PAFAH1B1: variants seen among roughly 807,000 people sequenced by gnomAD.
PAFAH1B1 encodes platelet activating factor acetylhydrolase 1b regulatory subunit 1, also known as platelet-activating factor acetylhydrolase IB subunit beta.
A neutral mutation model predicts 57.5 loss-of-function variants in PAFAH1B1; 2 were observed. The observed-to-expected ratio is 0.03, with a 90% CI of 0.01 to 0.11. The LOEUF is 0.11. PAFAH1B1 is among the 10% of genes least tolerant of loss of function. The pLI is 1.00. For synonymous variants in PAFAH1B1, 152 were observed against 169.6 expected, an observed-to-expected ratio of 0.90 and a Z score of 0.81; for missense variants, 257 against 512.0, an observed-to-expected ratio of 0.50 and a Z score of 4.81.
At chr17:2,657,279 T>C (rs1389058510) in intron 2 of PAFAH1B1, among the ~76,000 whole-genome samples, 4 of 152,224 alleles carry the variant, frequency 2.6e-5, no homozygotes, top group African/African-American at 4.8e-5. Flanking sequence ...AGTCTCACTG[T>C]GTCACCCAGG....
chr17:2,621,607 C>CTTTTTTTTTT (rs534219431), intron 1 of PAFAH1B1, among the ~76,000 whole-genome samples: 1 of 84,762 alleles, frequency 1.2e-5, no homozygotes, highest in African/African-American at 6.8e-5. Flanking sequence ...GATAATCTGT[C>CTTTTTTTTTT]TTTTTTTTTT....
intron 1 of PAFAH1B1, among the ~76,000 whole-genome samples, chr17:2,631,306 T>C (rs1488870568): frequency 6.6e-6 from 1 of 151,854 alleles, no homozygotes; most frequent in Non-Finnish European, 1.5e-5. Flanking sequence ...CTCCCAGCGG[T>C]GAAAGAAAAG....
chr17:2,611,227 T>C (rs1467999095), intron 1 of PAFAH1B1, among the ~76,000 whole-genome samples: 1 of 152,088 alleles, frequency 6.6e-6, no homozygotes, highest in Admixed American at 6.6e-5. Flanking sequence ...CTCAGCACTT[T>C]GGGAGACTGA....
chr17:2,658,138 C>T (rs907357441), intron 2 of PAFAH1B1, among the ~76,000 whole-genome samples: 1 of 152,196 alleles, frequency 6.6e-6, no homozygotes, highest in Non-Finnish European at 1.5e-5. Context: ...TGGCCTGTAG[C>T]AGGCCATGCA....
At chr17:2,654,968 T>A (rs867596615) in intron 2 of PAFAH1B1, among the ~76,000 whole-genome samples, 24 of 149,756 alleles carry the variant, frequency 1.6e-4, no homozygotes, top group Middle Eastern at 3.4e-3. Flanking sequence ...TTTTTTTTTT[T>A]AAAAGAGACA....
chr17:2,667,439 A>G, intron 5 of PAFAH1B1: 1 of 437,510 alleles, frequency 2.3e-6, no homozygotes, highest in Non-Finnish European at 4.2e-6. Context: ...ATTTGGTTCT[A>G]AATCTTAAAA....
chr17:2,607,555 G>A (rs1359401723), intron 1 of PAFAH1B1, among the ~76,000 whole-genome samples: 1 of 151,734 alleles, frequency 6.6e-6, no homozygotes, highest in Non-Finnish European at 1.5e-5. Context: ...CACCATCTCG[G>A]CTCACTGCAG....
intron 2 of PAFAH1B1, among the ~76,000 whole-genome samples, chr17:2,647,588 A>C (rs1299443550): frequency 6.6e-6 from 1 of 152,202 alleles, no homozygotes; most frequent in East Asian, 1.9e-4. Flanking sequence ...AACTCAGATT[A>C]AACATACTAA....
At chr17:2,615,535 G>A (rs1366699882) in intron 1 of PAFAH1B1, among the ~76,000 whole-genome samples, 3 of 151,946 alleles carry the variant, frequency 2.0e-5, no homozygotes, top group Admixed American at 1.3e-4. Flanking sequence ...CTGCCGCCCG[G>A]GTTCAAGCGA....
At chr17:2,598,292 A>G (rs1307398864) in intron 1 of PAFAH1B1, among the ~76,000 whole-genome samples, 1 of 152,116 alleles carries the variant, frequency 6.6e-6, no homozygotes, top group African/African-American at 2.4e-5. Flanking sequence ...AGATGTCTTA[A>G]AAAACCCAAA....
chr17:2,643,272 C>A (rs777514369), intron 2 of PAFAH1B1, among the ~76,000 whole-genome samples: 1 of 151,850 alleles, frequency 6.6e-6, no homozygotes, highest in African/African-American at 2.4e-5. Flanking sequence ...TAATTTTTTC[C>A]TTTGCCTTTT....
chr17:2,643,266 T>G (rs1055859701), intron 2 of PAFAH1B1, among the ~76,000 whole-genome samples: 2 of 151,924 alleles, frequency 1.3e-5, no homozygotes, highest in African/African-American at 4.8e-5. Flanking sequence ...CTCAGCTAAT[T>G]TTTTCCTTTG....
At chr17:2,596,559 G>T (rs1163768219) in intron 1 of PAFAH1B1, among the ~76,000 whole-genome samples, 1 of 152,142 alleles carries the variant, frequency 6.6e-6, no homozygotes, top group East Asian at 1.9e-4. Flanking sequence ...ATCTTCAAAA[G>T]AATTTCACAT....
intron 1 of PAFAH1B1, among the ~76,000 whole-genome samples, chr17:2,606,365 C>T (rs1382860226): frequency 6.6e-6 from 1 of 151,950 alleles, no homozygotes; most frequent in African/African-American, 2.4e-5. Flanking sequence ...TTTGAGTTTT[C>T]TTTAATTTTT....
chr17:2,656,565 T>C (rs2068938909), intron 2 of PAFAH1B1, among the ~76,000 whole-genome samples: 1 of 152,058 alleles, frequency 6.6e-6, no homozygotes, highest in Non-Finnish European at 1.5e-5. Flanking sequence ...AAAATATAAA[T>C]ACATTATTAG....
Position 2,593,912 on chromosome 17 carries a change from C to G in PAFAH1B1, c.-285C>G, listed in dbSNP as rs1341782321. Reference sequence around the variant, plus strand: ...TCCTCCCCCCTCCTTCCCTCCCTCCCTCCTTCCTCCCTCCCCTCTCCCTCC... The same window carrying G: ...TCCTCCCCCCTCCTTCCCTCCCTCCGTCCTTCCTCCCTCCCCTCTCCCTCC... On this transcript the variant is annotated 5_prime_UTR_variant, in exon 1 of 11. Coordinates refer to ENST00000397195, the MANE Select transcript of PAFAH1B1 (RefSeq NM_000430.4). 1 of 384,662 alleles carries G rather than the reference C, an allele frequency of 2.6e-6. No homozygotes were observed. Among genetic ancestry groups the G allele is most frequent in the East Asian group, 3.7e-5 (1 of 27,118 alleles). 23.8% of individuals were successfully genotyped at this position (384,662 alleles called of 1,614,324 possible).
intron 2 of PAFAH1B1, among the ~76,000 whole-genome samples, chr17:2,646,592 C>A (rs2068772464): frequency 6.6e-6 from 1 of 152,104 alleles, no homozygotes; most frequent in Non-Finnish European, 1.5e-5. Flanking sequence ...GTGGAGGTTG[C>A]AGTGAGCCAA....
chr17:2,666,299 T>G (rs988893014), intron 4 of PAFAH1B1, among the ~76,000 whole-genome samples: 6 of 152,184 alleles, frequency 3.9e-5, no homozygotes, highest in South Asian at 2.1e-4. Flanking sequence ...CTGGGTTCAA[T>G]CTGCATAGTC....
chr17:2,599,347 C>T (rs557513814), intron 1 of PAFAH1B1, among the ~76,000 whole-genome samples: 5 of 152,292 alleles, frequency 3.3e-5, no homozygotes, highest in Admixed American at 1.3e-4. Flanking sequence ...TTCCTTCTTT[C>T]TATAACGATT....
Sources: gnomAD v4.1 joint callset for allele counts (sites outside exome capture counted in the v4.1 genomes callset) on GRCh38, gnomAD v4.1.1 for gene constraint, MANE v1.5 for transcripts, NCBI Gene and HGNC (gene_info 2026-07-23, HGNC 2026-07-21) for gene names.